CLEC16A: variants seen among roughly 807,000 people sequenced by gnomAD.
CLEC16A encodes the protein C-type lectin domain containing 16A.
Under a neutral mutation model 109.5 loss-of-function variants are expected in CLEC16A, and 51 were observed. The ratio of observed to expected loss-of-function variants is 0.47; its 90% CI spans 0.37 to 0.59. The LOEUF (loss-of-function observed/expected upper bound fraction) is 0.59. Ranked by LOEUF, CLEC16A falls within the 20% of genes least tolerant of loss-of-function variation. The pLI, the probability that CLEC16A is intolerant of heterozygous loss-of-function variation, is 0.00. For synonymous variants in CLEC16A, 673 were observed against 564.2 expected (o/e 1.19, Z -2.73); for missense variants, 1,339 against 1,394.0 (o/e 0.96, Z 0.63).
In CLEC16A at chr16:11,155,653, T is replaced by C. The variant is rs987540720; in HGVS notation, c.2642-10735T>C. ...TCTATCTGACTCACATAGTTCCAGATAGTATCTTCAGTTCTTGTTGTAGAT... is the reference window on the plus strand; with the variant it reads ...TCTATCTGACTCACATAGTTCCAGACAGTATCTTCAGTTCTTGTTGTAGAT... On this transcript the variant is annotated intron_variant, in intron 22 of 23. Coordinates refer to ENST00000409790, the MANE Select transcript of CLEC16A (RefSeq NM_015226.3). Among the ~76,000 whole-genome samples the C allele has an allele frequency of 4.6e-5, 7 of 152,244 alleles. No homozygotes were observed. In the East Asian group the frequency reaches 5.8e-4, roughly 13 times the overall value.
chr16:11,143,219 A>G (rs2053917930), intron 22 of CLEC16A, among the ~76,000 whole-genome samples: 1 of 152,220 alleles, frequency 6.6e-6, no homozygotes, highest in South Asian at 2.1e-4. Context: ...GCATTCAACT[A>G]ATAACACCCA....
intron 8 of CLEC16A, 28 bp from the exon 9 acceptor site, chr16:10,979,301 C>G (rs753874350): frequency 1.2e-6 from 2 of 1,604,574 alleles, no homozygotes; most frequent in Admixed American, 1.7e-5. Flanking sequence ...CCTGATCTCT[C>G]TCTCTCTCTC....
At chr16:11,108,836 C>A (rs984138553) in intron 19 of CLEC16A, among the ~76,000 whole-genome samples, 1 of 152,074 alleles carries the variant, frequency 6.6e-6, no homozygotes, top group Admixed American at 6.5e-5. Context: ...CTGGGCCGGG[C>A]GCGGTGGCTC....
chr16:10,993,965 G>A (rs1046168229), intron 10 of CLEC16A, among the ~76,000 whole-genome samples: 1 of 152,204 alleles, frequency 6.6e-6, no homozygotes, highest in African/African-American at 2.4e-5. Flanking sequence ...TGACACGCCA[G>A]AGGTCACTTT....
chr16:10,948,665 G>T (rs1254236923), intron 1 of CLEC16A, among the ~76,000 whole-genome samples: 1 of 152,196 alleles, frequency 6.6e-6, no homozygotes, highest in African/African-American at 2.4e-5. Context: ...TTTGGTTCCA[G>T]TGACAGAAAC....
At chr16:11,062,487 G>T (rs982034384) in intron 19 of CLEC16A, among the ~76,000 whole-genome samples, 18 of 152,098 alleles carry the variant, frequency 1.2e-4, no homozygotes, top group African/African-American at 3.9e-4. Flanking sequence ...ATACAGAATT[G>T]TTTTCAGGAT....
At chr16:11,021,901 C>T (rs1008071569) in intron 12 of CLEC16A, among the ~76,000 whole-genome samples, 1 of 152,108 alleles carries the variant, frequency 6.6e-6, no homozygotes, top group East Asian at 1.9e-4. Flanking sequence ...TATGGTAATA[C>T]TGTGGCTTTG....
At chr16:11,053,970 G>T (rs1230182762) in intron 18 of CLEC16A, among the ~76,000 whole-genome samples, 1 of 152,260 alleles carries the variant, frequency 6.6e-6, no homozygotes, top group African/African-American at 2.4e-5. Flanking sequence ...ATTAGGTCAG[G>T]TCACTAATCC....
intron 18 of CLEC16A, among the ~76,000 whole-genome samples, chr16:11,054,197 C>G (rs2048093822): frequency 6.6e-6 from 1 of 152,230 alleles, no homozygotes; most frequent in African/African-American, 2.4e-5. Flanking sequence ...ACCTCATGCC[C>G]TGCTGGGCTG....
intron 22 of CLEC16A, among the ~76,000 whole-genome samples, chr16:11,136,914 G>T (rs2053593897): frequency 6.6e-6 from 1 of 152,206 alleles, no homozygotes. Context: ...TCAGTGCCCA[G>T]TGTTACCAGC....
At chr16:11,012,594 C>CAAAAAAAAAAAAAAAAA (rs551902895) in intron 11 of CLEC16A, among the ~76,000 whole-genome samples, 1 of 67,940 alleles carries the variant, frequency 1.5e-5, no homozygotes, top group African/African-American at 4.5e-5. Context: ...GACTCCGTCT[C>CAAAAAAAAAAAAAAAAA]AAAAAAAAAA....
chr16:11,121,254 G>A (rs1255824069), intron 20 of CLEC16A, among the ~76,000 whole-genome samples: 1 of 152,176 alleles, frequency 6.6e-6, no homozygotes, highest in African/African-American at 2.4e-5. Context: ...ACTGCTTTGT[G>A]ACTATAGCAA....
intron 14 of CLEC16A, chr16:11,041,950 G>C (rs1298787740): frequency 6.8e-6 from 2 of 294,946 alleles, no homozygotes; most frequent in Non-Finnish European, 1.3e-5. Flanking sequence ...AAAGGAAGTG[G>C]GGGTGCAGGG....
chr16:11,044,342 A>G lies in CLEC16A; in HGVS notation c.1815+270A>G, dbSNP rs549665351. The G allele has an allele frequency of 5.3e-5, 16 of 302,968 alleles. 1 individual carries two copies. In the East Asian group the frequency reaches 8.2e-4, roughly 15 times the overall value. 18.8% of individuals were successfully genotyped at this position (302,968 alleles called of 1,614,324 possible). A position where few individuals can be genotyped will look rare whatever the true frequency, so the allele number is the denominator to read the frequency against. On this transcript the variant is annotated intron_variant, in intron 16 of 23. Coordinates refer to ENST00000409790, the MANE Select transcript of CLEC16A (RefSeq NM_015226.3). Reference sequence around the variant, plus strand: ...AATACATGGATTTGGTTATTTGGGAATAATTATATGTAAATTATGAACTAC... The same window carrying G: ...AATACATGGATTTGGTTATTTGGGAGTAATTATATGTAAATTATGAACTAC...
intron 2 of CLEC16A, among the ~76,000 whole-genome samples, chr16:10,959,799 G>A (rs117283010): frequency 0.042 from 6,341 of 150,950 alleles, 188 homozygotes; most frequent in Non-Finnish European, 0.061. Flanking sequence ...TTTTTTTAGA[G>A]ACAGGGTCTT....
intron 19 of CLEC16A, among the ~76,000 whole-genome samples, chr16:11,083,209 C>G (rs991456936): frequency 6.6e-6 from 1 of 152,170 alleles, no homozygotes; most frequent in Non-Finnish European, 1.5e-5. Flanking sequence ...GTTGCCCAGG[C>G]TGGAGTGCAG....
Position 11,000,446 on chromosome 16 carries a change from T to A in CLEC16A, c.1072-2628T>A, listed in dbSNP as rs115464539. On this transcript the variant is annotated intron_variant, in intron 10 of 23. Coordinates refer to ENST00000409790, the MANE Select transcript of CLEC16A (RefSeq NM_015226.3). ...CTCTATTTTCTGTTTCTGAAAGCTTTGATTGCTGTGTGGCCGGCTCTGAAA... is the reference window on the plus strand; with the variant it reads ...CTCTATTTTCTGTTTCTGAAAGCTTAGATTGCTGTGTGGCCGGCTCTGAAA... Among the ~76,000 whole-genome samples the A allele has an allele frequency of 8.6e-3, 1,315 of 152,266 alleles. 22 individuals are homozygous for A. The highest frequency in any genetic ancestry group is 0.03 in the African/African-American group (1,246 of 41,538).
At chr16:10,955,670 C>G (rs946059287) in intron 1 of CLEC16A, among the ~76,000 whole-genome samples, 6 of 152,168 alleles carry the variant, frequency 3.9e-5, no homozygotes, top group African/African-American at 1.2e-4. Flanking sequence ...AGAGCAGACC[C>G]ACCCACCTAA....
chr16:10,993,504 A>G (rs1485836344), intron 10 of CLEC16A, among the ~76,000 whole-genome samples: 1 of 152,170 alleles, frequency 6.6e-6, no homozygotes, highest in Admixed American at 6.5e-5. Flanking sequence ...AGGTTCCGTG[A>G]TTGTTCCTTT....
Sources: gnomAD v4.1 joint callset for allele counts (sites outside exome capture counted in the v4.1 genomes callset) on GRCh38, gnomAD v4.1.1 for gene constraint, MANE v1.5 for transcripts, NCBI Gene and HGNC (gene_info 2026-07-23, HGNC 2026-07-21) for gene names.